Variants in CRTAC1 observed in about 807,000 individuals in gnomAD.
CRTAC1 encodes the protein cartilage acidic protein 1.
In CRTAC1, 37 loss-of-function variants were observed where a neutral mutation model predicts 67.8. The ratio of observed to expected loss-of-function variants is 0.55; its 90% CI spans 0.42 to 0.72. CRTAC1 has a LOEUF of 0.72. Ranked by LOEUF, CRTAC1 falls within the 30% of genes least tolerant of loss-of-function variation. The pLI, the probability that CRTAC1 is intolerant of heterozygous loss-of-function variation, is 0.00. For synonymous variants in CRTAC1, 348 were observed against 371.0 expected (o/e 0.94, Z 0.71); for missense variants, 780 against 931.6 (o/e 0.84, Z 2.12).
chr10:97,929,113 A>G (rs982859957), intron 3 of CRTAC1, among the ~76,000 whole-genome samples: 1 of 152,076 alleles, frequency 6.6e-6, no homozygotes, highest in Admixed American at 6.5e-5. Flanking sequence ...ATGTGGAAAC[A>G]GTGACCCAAG....
In CRTAC1 at chr10:97,910,821, C is replaced by A. The variant is rs150658965; in HGVS notation, c.716-2674G>T. ...GGCGATGGCACTGCCACTCTTATTGCGCTCATAGTTAACACATTCTGGGCT... is the reference window on the plus strand; with the variant it reads ...GGCGATGGCACTGCCACTCTTATTGAGCTCATAGTTAACACATTCTGGGCT... On this transcript the variant is annotated intron_variant, in intron 5 of 14. Coordinates refer to ENST00000370597, the MANE Select transcript of CRTAC1 (RefSeq NM_018058.7). 1.1e-3 allele frequency among the ~76,000 whole-genome samples: 168 copies of A among 152,284 alleles called. 1 individual carries two copies. Among genetic ancestry groups the A allele is most frequent in the African/African-American group, 3.9e-3 (163 of 41,570 alleles).
chr10:97,922,741 G>A (rs895165157), intron 4 of CRTAC1, among the ~76,000 whole-genome samples: 3 of 152,212 alleles, frequency 2.0e-5, no homozygotes, highest in Non-Finnish European at 4.4e-5. Context: ...CGTTGGAGGA[G>A]CTATTGATGA....
At chr10:98,002,616 G>C (rs889350627) in intron 2 of CRTAC1, among the ~76,000 whole-genome samples, 3 of 152,066 alleles carry the variant, frequency 2.0e-5, no homozygotes, top group Non-Finnish European at 4.4e-5. Context: ...ACCAAAGACA[G>C]TGAGATCTTT....
intron 1 of CRTAC1, among the ~76,000 whole-genome samples, chr10:98,025,173 A>G (rs148383542): frequency 1.7e-4 from 26 of 151,878 alleles, no homozygotes; most frequent in African/African-American, 4.3e-4. Context: ...AATCACTCCC[A>G]CCTCTAATGT....
chr10:97,888,086 T>G (rs2050313056), intron 11 of CRTAC1, among the ~76,000 whole-genome samples: 1 of 152,222 alleles, frequency 6.6e-6, no homozygotes, highest in African/African-American at 2.4e-5. Flanking sequence ...AGCCGGTATC[T>G]ACTGTGCCCC....
Position 97,908,001 on chromosome 10 carries a change from GC to G in CRTAC1, c.850+11del. 1 of 1,613,910 alleles carries G rather than the reference GC, an allele frequency of 6.2e-7. No homozygotes were observed. The highest frequency in any genetic ancestry group is 8.5e-7 in the Non-Finnish European group (1 of 1,179,888). ...GGGTCAGGGTGCACAGGGCATGGCT[GC>G]CTCCACTCACCAGCACTGGCCGCAG... On this transcript the variant is annotated intron_variant, in intron 6 of 14. Coordinates refer to ENST00000370597, the MANE Select transcript of CRTAC1 (RefSeq NM_018058.7).
intron 2 of CRTAC1, among the ~76,000 whole-genome samples, chr10:97,974,309 C>G (rs549525391): frequency 3.9e-5 from 6 of 152,300 alleles, no homozygotes; most frequent in Non-Finnish European, 5.9e-5. Flanking sequence ...GGCTCCCCCC[C>G]TGCTGCGTAA....
At position 97,865,674 on chromosome 10, in the gene CRTAC1, G is replaced by T. The variant is rs767364497; in HGVS notation, c.1860C>A (p.Pro620=). The change falls in exon 15 of 15, where the codon CCC becomes CCA. Residue 620 remains proline, a synonymous_variant. Transcript: ENST00000370597. The stretch of plus-strand genomic sequence containing the variant: ...CAGCGGCAGTGGCAGCAGCAGCGGT[G>T]GGGGTGGTGGGGCGGGGGCCCGGTG... ...GQSPGPRPTT[P]TAAAATAAAA... 6.2e-7 allele frequency: 1 copy of T among 1,608,270 alleles called. No homozygotes were observed. Among genetic ancestry groups the T allele is most frequent in the African/African-American group, 1.3e-5 (1 of 74,928 alleles).
chr10:97,875,014 C>T (rs904923472), intron 14 of CRTAC1, among the ~76,000 whole-genome samples: 11 of 152,130 alleles, frequency 7.2e-5, no homozygotes, highest in Non-Finnish European at 1.5e-4. Flanking sequence ...ATGTATATCC[C>T]AAGCCACTAG....
rs368802524 is a variant in CRTAC1 at position 97,896,863 on chromosome 10, A to C, written c.1216+46T>G. ...CCCGCCCTCACCCCAGTGTATGAAC[A>C]GTGCTAAGGGGGCAGTGCAGGCCAG... is the stretch of plus-strand genomic sequence containing the variant. On this transcript the variant is annotated intron_variant, in intron 9 of 14. Transcript: ENST00000370597. 22 of 1,082,222 alleles carry C rather than the reference A, an allele frequency of 2.0e-5. No individual in the cohort carries two copies. The Admixed American group carries it at 2.3e-4, about 11-fold the overall frequency. 67.0% of individuals were successfully genotyped at this position (1,082,222 alleles called of 1,614,324 possible).
intron 13 of CRTAC1, among the ~76,000 whole-genome samples, 176 bp from the exon 14 acceptor site, chr10:97,880,568 G>A (rs138549718): frequency 3.3e-5 from 5 of 152,214 alleles, no homozygotes; most frequent in Admixed American, 2.6e-4. Flanking sequence ...ACATGCTGGG[G>A]GCAGGGGGTG....
chr10:97,971,245 G>A lies in CRTAC1; in HGVS notation c.225-34879C>T, dbSNP rs544315223. Among the ~76,000 whole-genome samples, 6 of 152,318 alleles carry A rather than the reference G, an allele frequency of 3.9e-5. No individual in the cohort carries two copies. In the East Asian group the frequency reaches 1.2e-3, roughly 29 times the overall value. On this transcript the variant is annotated intron_variant, in intron 2 of 14. Transcript: ENST00000370597. The stretch of plus-strand genomic sequence containing the variant: ...TCTATTCTAGAGAGCTCAAGATTCA[G>A]ATAAAAGCTTATGCACCCCAATGGA...
intron 1 of CRTAC1, among the ~76,000 whole-genome samples, chr10:98,026,583 T>G (rs1426424645): frequency 6.6e-6 from 1 of 151,684 alleles, no homozygotes; most frequent in African/African-American, 2.4e-5. Flanking sequence ...AAGACTCCAG[T>G]TTAAAGAGAG....
At chr10:97,970,588 C>T (rs1421025178) in intron 2 of CRTAC1, among the ~76,000 whole-genome samples, 4 of 152,240 alleles carry the variant, frequency 2.6e-5, no homozygotes, top group Admixed American at 2.0e-4. Context: ...AGGGCTCCCT[C>T]CCTCGGGTTG....
chr10:97,908,174 G>A, intron 5 of CRTAC1, 27 bp from the exon 6 acceptor site: 1 of 1,612,756 alleles, frequency 6.2e-7, no homozygotes, highest in East Asian at 2.2e-5. Flanking sequence ...CCCACAGTGA[G>A]TGGCAGAAGC....
intron 3 of CRTAC1, among the ~76,000 whole-genome samples, chr10:97,926,510 C>T (rs11189437): frequency 0.78 from 119,282 of 152,034 alleles, 48,794 homozygotes; most frequent in Non-Finnish European, 0.89. Context: ...TTCCTTCAGA[C>T]TTTGGAAAGG....
intron 2 of CRTAC1, among the ~76,000 whole-genome samples, chr10:97,994,341 T>G (rs1230263970): frequency 1.3e-5 from 2 of 152,178 alleles, no homozygotes; most frequent in African/African-American, 4.8e-5. Flanking sequence ...CTAGGGATGG[T>G]TACGCTCTGG....
intron 14 of CRTAC1, among the ~76,000 whole-genome samples, chr10:97,876,943 CTG>C (rs2050154317): frequency 8.3e-5 from 8 of 96,076 alleles, no homozygotes; most frequent in East Asian, 3.4e-4. Flanking sequence ...TGAGGAGGCT[CTG>C]TTTTTTTTTT....
In CRTAC1 at chr10:98,030,581, C is replaced by T; in HGVS notation, c.-109G>A. The T allele has an allele frequency of 1.4e-6, 1 of 699,552 alleles. No homozygotes were observed. The allele number at this position is 699,552 out of a possible 1,614,324, so 43.3% of individuals were successfully genotyped here. A position where few individuals can be genotyped will look rare whatever the true frequency, so the allele number is the denominator to read the frequency against. On this transcript the variant is annotated 5_prime_UTR_variant, in exon 1 of 15. Transcript: ENST00000370597. This position sits in a 1 kb window ranked among gnomAD's most constrained non-coding sequence, Gnocchi z 4.2. ...GCTCCCAGCCCCGGTCCCGGGCTGG[C>T]CTCGAGCCTCCCGCCCCGACGCCGC...
Sources: allele counts gnomAD v4.1 joint callset (sites outside exome capture counted in the v4.1 genomes callset), GRCh38; gene constraint gnomAD v4.1.1; non-coding constraint Gnocchi (gnomAD v3.1); transcripts MANE v1.5; gene names NCBI Gene and HGNC (gene_info 2026-07-23, HGNC 2026-07-21).